The following ANO2 variants were observed in gnomAD, a reference collection of about 807,000 sequenced individuals.
ANO2 encodes the protein anoctamin 2.
A neutral mutation model predicts 124.2 loss-of-function variants in ANO2; 101 were observed. The observed-to-expected ratio is 0.81, with a 90% CI of 0.69 to 0.96. The LOEUF (loss-of-function observed/expected upper bound fraction) is 0.96. Ranked by LOEUF, ANO2 falls within the 40% of genes least tolerant of loss-of-function variation. The pLI is 0.00. For missense variants in ANO2, 1,293 were observed against 1,274.5 expected (o/e 1.01, Z -0.22); for synonymous variants, 486 against 482.5 (o/e 1.01, Z -0.09).
intron 10 of ANO2, among the ~76,000 whole-genome samples, chr12:5,765,600 G>C (rs1392904940): frequency 6.6e-6 from 1 of 152,156 alleles, no homozygotes; most frequent in African/African-American, 2.4e-5. Context: ...CTCTCCTCAA[G>C]TTCTCTCAGC....
upstream of ANO2, chr12:5,946,169 T>C (rs1384350950): frequency 2.5e-6 from 4 of 1,613,796 alleles, no homozygotes; most frequent in South Asian, 3.3e-5. The surrounding 1 kb of genome is among the most constrained non-coding windows in gnomAD (Gnocchi z 4.1). Flanking sequence ...ATGAAGATTT[T>C]CTCTCCTATA....
At chr12:5,681,654 G>A (rs896650437) in intron 14 of ANO2, among the ~76,000 whole-genome samples, 1 of 152,194 alleles carries the variant, frequency 6.6e-6, no homozygotes, top group Non-Finnish European at 1.5e-5. Flanking sequence ...CACCCTGGAG[G>A]AAATGTACTC....
At chr12:5,877,760 G>T (rs377284230) in intron 3 of ANO2, among the ~76,000 whole-genome samples, 1 of 152,124 alleles carries the variant, frequency 6.6e-6, no homozygotes, top group Non-Finnish European at 1.5e-5. Flanking sequence ...AAACTGTTCC[G>T]CCTCAGATCT....
intron 1 of ANO2, among the ~76,000 whole-genome samples, chr12:5,941,042 T>A (rs1387901694): frequency 6.6e-6 from 1 of 152,214 alleles, no homozygotes; most frequent in Non-Finnish European, 1.5e-5. Flanking sequence ...ATAAAATGTG[T>A]AGAATAGGCA....
chr12:5,732,281 G>C lies in ANO2; in HGVS notation c.1545+239C>G, dbSNP rs114515883. On this transcript the variant is annotated intron_variant, in intron 14 of 24. Coordinates refer to ENST00000682330, the MANE Select transcript of ANO2 (RefSeq NM_001364791.2). The stretch of plus-strand genomic sequence containing the variant: ...CCTGAAACTGTTTCTCCTCTAACCT[G>C]CCCTCCCATTTTGACCAGATAGCAC... Among the ~76,000 whole-genome samples, 549 of 152,136 alleles carry C rather than the reference G, an allele frequency of 3.6e-3. 7 individuals are homozygous for C. Among genetic ancestry groups the C allele is most frequent in the African/African-American group, 0.012 (517 of 41,472 alleles).
intron 14 of ANO2, among the ~76,000 whole-genome samples, chr12:5,691,910 A>T (rs1484800080): frequency 2.0e-5 from 3 of 152,124 alleles, no homozygotes; most frequent in African/African-American, 7.2e-5. Flanking sequence ...TTAAAAAAAA[A>T]AAAGTGAATG....
intron 14 of ANO2, among the ~76,000 whole-genome samples, chr12:5,694,251 CAG>C (rs5796182): frequency 1.7e-3 from 225 of 133,882 alleles, no homozygotes; most frequent in East Asian, 3.6e-3. Context: ...TTACCAGAGA[CAG>C]AGAGAGAGAG....
rs1029640950 is a variant in ANO2 at position 5,900,501 on chromosome 12, C to T, written c.534+20539G>A. Among the ~76,000 whole-genome samples, 4 of 152,124 alleles carry T rather than the reference C, an allele frequency of 2.6e-5. No individual in the cohort carries two copies. Among genetic ancestry groups the T allele is most frequent in the Admixed American group, 6.5e-5 (1 of 15,276 alleles). On this transcript the variant is annotated intron_variant, in intron 3 of 24. Coordinates refer to ENST00000682330, the MANE Select transcript of ANO2 (RefSeq NM_001364791.2). The surrounding 1 kb of genome is among the most constrained non-coding windows in gnomAD (Gnocchi z 4.2). The stretch of plus-strand genomic sequence containing the variant: ...TAAAATGAGACGCTAATTAAAGACT[C>T]TCAAAGGTCCCTTCCAACTCTTTCT...
intron 16 of ANO2, among the ~76,000 whole-genome samples, chr12:5,618,600 C>T (rs1944957690): frequency 6.6e-6 from 1 of 152,190 alleles, no homozygotes; most frequent in African/African-American, 2.4e-5. Flanking sequence ...TTTTTAACAA[C>T]ACCACTTTTT....
chr12:5,615,569 C>A (rs764121697), intron 16 of ANO2, among the ~76,000 whole-genome samples: 3 of 152,066 alleles, frequency 2.0e-5, no homozygotes, highest in South Asian at 4.1e-4. Flanking sequence ...GGTTTCACAC[C>A]GCCCTCCTCA....
chr12:5,618,547 G>A (rs1944954937), intron 16 of ANO2, among the ~76,000 whole-genome samples: 1 of 152,164 alleles, frequency 6.6e-6, no homozygotes, highest in South Asian at 2.1e-4. Context: ...TAAGTGACAG[G>A]TGTAAGATGT....
chr12:5,720,776 A>G (rs3067799), intron 14 of ANO2, among the ~76,000 whole-genome samples: 1 of 92,788 alleles, frequency 1.1e-5, no homozygotes, highest in African/African-American at 4.1e-5. Context: ...GTCTCTCTCT[A>G]TAGCTTTGCT....
At chr12:5,843,559 AT>A (rs752599162) in intron 4 of ANO2, among the ~76,000 whole-genome samples, 26 of 152,148 alleles carry the variant, frequency 1.7e-4, no homozygotes, top group Non-Finnish European at 2.4e-4. Flanking sequence ...CAAAAAAAAA[AT>A]AAAATAAAAT....
At chr12:5,934,378 T>G (rs1942560803) in intron 1 of ANO2, among the ~76,000 whole-genome samples, 1 of 152,214 alleles carries the variant, frequency 6.6e-6, no homozygotes, top group Admixed American at 6.5e-5. Flanking sequence ...TAAAAAGGTC[T>G]TTTTACAAAT....
At chr12:5,607,475 G>A (rs1944278470) in intron 19 of ANO2, among the ~76,000 whole-genome samples, 1 of 151,538 alleles carries the variant, frequency 6.6e-6, no homozygotes, top group Non-Finnish European at 1.5e-5. Context: ...CTTTGCCAAG[G>A]TCACACAGTG....
At chr12:5,682,986 A>T (rs1164917437) in intron 14 of ANO2, among the ~76,000 whole-genome samples, 1 of 152,132 alleles carries the variant, frequency 6.6e-6, no homozygotes, top group Non-Finnish European at 1.5e-5. Flanking sequence ...AGTACTGGGG[A>T]CCGTGGACCC....
intron 14 of ANO2, among the ~76,000 whole-genome samples, chr12:5,718,079 C>G (rs1167763434): frequency 6.6e-6 from 1 of 152,204 alleles, no homozygotes; most frequent in Non-Finnish European, 1.5e-5. Context: ...TTCTTGTCAT[C>G]TTGGCATTTG....
At chr12:5,761,498 T>C (rs1233441075) in intron 10 of ANO2, among the ~76,000 whole-genome samples, 1 of 152,166 alleles carries the variant, frequency 6.6e-6, no homozygotes, top group Non-Finnish European at 1.5e-5. Flanking sequence ...ATAATTTGGA[T>C]CCAACTGCCC....
At chr12:5,647,359 CG>C (rs1174006156) in intron 15 of ANO2, among the ~76,000 whole-genome samples, 1 of 152,202 alleles carries the variant, frequency 6.6e-6, no homozygotes, top group Admixed American at 6.5e-5. Context: ...TCACACTTAC[CG>C]AGCCCAAGCT....
Sources: allele counts gnomAD v4.1 joint callset (sites outside exome capture counted in the v4.1 genomes callset), GRCh38; gene constraint gnomAD v4.1.1; non-coding constraint Gnocchi (gnomAD v3.1); transcripts MANE v1.5; gene names NCBI Gene and HGNC (gene_info 2026-07-23, HGNC 2026-07-21).